PALLD: variants seen among roughly 807,000 people sequenced by gnomAD.
The protein encoded by PALLD is palladin.
PALLD carries 61 observed loss-of-function variants against 123.5 expected under a neutral mutation model. The observed-to-expected ratio is 0.49, with a 90% confidence interval of 0.40 to 0.61. The LOEUF (loss-of-function observed/expected upper bound fraction) is 0.61, where lower values mean the gene tolerates loss of function less well. PALLD is among the 20% of genes least tolerant of loss of function. The probability of loss-of-function intolerance (pLI) is 0.00; values close to 1 mark genes in which losing one functional copy is unlikely to be tolerated. For synonymous variants in PALLD, 465 were observed against 496.4 expected (o/e 0.94, Z 0.84); for missense variants, 1,273 against 1,377.0 (o/e 0.92, Z 1.20).
chr4:168,705,912 G>A (rs566577095), intron 8 of PALLD, among the ~76,000 whole-genome samples: 1 of 152,210 alleles, frequency 6.6e-6, no homozygotes, highest in South Asian at 2.1e-4. Flanking sequence ...CAAAGTGCTG[G>A]GATTACAGGC....
At chr4:168,856,788 A>G (rs1748672287) in intron 10 of PALLD, among the ~76,000 whole-genome samples, 1 of 152,272 alleles carries the variant, frequency 6.6e-6, no homozygotes, top group Admixed American at 6.5e-5. Flanking sequence ...GCTAAGAAGT[A>G]CAGCATTACC....
At position 168,650,247 on chromosome 4, in the gene PALLD, G is replaced by A. The variant is rs1048316044; in HGVS notation, c.909-17943G>A. On this transcript the variant is annotated intron_variant, in intron 2 of 21. Transcript: ENST00000505667. ...TTTGCTTGCAGTGAAAATAAATGCA[G>A]AATTTTCCACAGTGAAAAGTTAAAG... 3.9e-5 allele frequency among the ~76,000 whole-genome samples: 6 copies of A among 152,150 alleles called. No homozygotes were observed. The South Asian group carries it at 1.0e-3, about 26-fold the overall frequency.
rs1458454631 is a variant in PALLD at position 168,511,958 on chromosome 4, G to A, written c.454G>A (p.Val152Ile). The A allele has an allele frequency of 5.6e-6, 9 of 1,614,060 alleles. 1 individual carries two copies. Among genetic ancestry groups the A allele is most frequent in the Admixed American group, 1.7e-5 (1 of 60,006 alleles). ...TGGTGCAAAAACTCCCAGCACAAAC[G>A]TAAAGCCCAAAACGCCACATCAAAG... ...KRGAKTPSTN[V>I]KPKTPHQRKG... The change falls in exon 2 of 22, where the codon GTA becomes ATA. Residue 152 changes from valine (V) to isoleucine (I), a missense_variant. Val to Ile is a conservative substitution (Grantham distance 29, BLOSUM62 3). Around this residue, in one of 2 missense-constraint regions of PALLD, gnomAD observed 944 missense variants for 954.5 expected, o/e 0.99. Coordinates refer to ENST00000505667, the MANE Select transcript of PALLD (RefSeq NM_001166108.2).
At chr4:168,692,216 C>T (rs76310597) in intron 8 of PALLD, among the ~76,000 whole-genome samples, 8,489 of 152,192 alleles carry the variant, frequency 0.056, 487 homozygotes, top group East Asian at 0.29. Context: ...CAGATTACTG[C>T]AGTCAGTCCC....
chr4:168,511,161 C>T (rs116492568), intron 1 of PALLD, among the ~76,000 whole-genome samples: 3,862 of 152,204 alleles, frequency 0.025, 172 homozygotes, highest in African/African-American at 0.088. Context: ...GAGCCCTATC[C>T]TACTAATAGT....
At chr4:168,822,639 C>T (rs982495748) in intron 10 of PALLD, among the ~76,000 whole-genome samples, 10 of 152,186 alleles carry the variant, frequency 6.6e-5, no homozygotes, top group Middle Eastern at 3.2e-3. Flanking sequence ...GTTTCACCAA[C>T]GCTCTAGTAA....
intron 3 of PALLD, among the ~76,000 whole-genome samples, chr4:168,676,539 T>A (rs988883843): frequency 2.0e-5 from 3 of 148,846 alleles, no homozygotes; most frequent in Non-Finnish European, 3.0e-5. Flanking sequence ...TATTTTTATA[T>A]GTTTATATAT....
intron 2 of PALLD, among the ~76,000 whole-genome samples, chr4:168,542,971 G>C (rs532154959): frequency 6.6e-6 from 1 of 151,390 alleles, no homozygotes; most frequent in Non-Finnish European, 1.5e-5. Context: ...TTCCATTTCC[G>C]TATGACCTAA....
chr4:168,539,332 G>A (rs1392571092), intron 2 of PALLD, among the ~76,000 whole-genome samples: 2 of 152,180 alleles, frequency 1.3e-5, no homozygotes, highest in Non-Finnish European at 2.9e-5. Flanking sequence ...GCTCACGCCT[G>A]TAATCCCAGC....
chr4:168,746,337 C>T (rs1201941041), intron 10 of PALLD, among the ~76,000 whole-genome samples: 10 of 135,254 alleles, frequency 7.4e-5, no homozygotes, highest in Non-Finnish European at 1.2e-4. Flanking sequence ...GCTGAGATTG[C>T]GCCACTGCAC....
intron 2 of PALLD, among the ~76,000 whole-genome samples, chr4:168,649,650 G>A (rs1777832734): frequency 6.6e-6 from 1 of 152,148 alleles, no homozygotes; most frequent in Non-Finnish European, 1.5e-5. Context: ...GGTTAGATAT[G>A]CATTACCTTG....
intron 10 of PALLD, among the ~76,000 whole-genome samples, chr4:168,749,933 C>T (rs1378027720): frequency 4.8e-5 from 7 of 144,988 alleles, no homozygotes; most frequent in Non-Finnish European, 1.5e-5. Context: ...TCCATGTGTA[C>T]CCAGTGCTTA....
At chr4:168,921,905 A>C (rs950087843) in intron 18 of PALLD, among the ~76,000 whole-genome samples, 164 bp downstream of exon 18, 11 of 152,136 alleles carry the variant, frequency 7.2e-5, no homozygotes, top group Admixed American at 7.2e-4. Flanking sequence ...CTAGCAAAAC[A>C]GAAACAGAAA....
chr4:168,885,160 C>T (rs1560854884), intron 10 of PALLD, among the ~76,000 whole-genome samples: 2 of 152,202 alleles, frequency 1.3e-5, no homozygotes, highest in Admixed American at 1.3e-4. Context: ...TATAACTTGC[C>T]TCTTTCATGG....
chr4:168,598,808 C>T, intron 2 of PALLD: 1 of 278,196 alleles, frequency 3.6e-6, no homozygotes, highest in Non-Finnish European at 7.4e-6. Context: ...CCTCCAACAC[C>T]AGCATACAGC....
chr4:168,627,591 A>T (rs1158329761), intron 2 of PALLD, among the ~76,000 whole-genome samples: 2 of 152,234 alleles, frequency 1.3e-5, no homozygotes, highest in Non-Finnish European at 2.9e-5. Context: ...ATAGGATAAG[A>T]CAGGCCTATC....
At chr4:168,681,009 C>T (rs1781498819) in intron 3 of PALLD, among the ~76,000 whole-genome samples, 1 of 152,178 alleles carries the variant, frequency 6.6e-6, no homozygotes, top group African/African-American at 2.4e-5. Context: ...CACAAACACA[C>T]ACACATCTTT....
intron 2 of PALLD, among the ~76,000 whole-genome samples, chr4:168,625,098 G>C (rs954686983): frequency 2.0e-5 from 3 of 151,992 alleles, no homozygotes; most frequent in African/African-American, 7.2e-5. Flanking sequence ...AAACTGAGAA[G>C]AGCAATGAGA....
At chr4:168,691,411 C>A in intron 8 of PALLD, 119 bp downstream of exon 8, 1 of 823,092 alleles carries the variant, frequency 1.2e-6, no homozygotes, top group Non-Finnish European at 2.0e-6. Context: ...GTTTTTGTGG[C>A]TCCCTGGAAA....
Sources: allele counts gnomAD v4.1 joint callset (sites outside exome capture counted in the v4.1 genomes callset), GRCh38; gene constraint gnomAD v4.1.1; regional missense constraint gnomAD v4.1.1; transcripts MANE v1.5; gene names NCBI Gene and HGNC (gene_info 2026-07-23, HGNC 2026-07-21).